Variants in TMPRSS3 observed in about 807,000 individuals in gnomAD.
TMPRSS3 encodes transmembrane serine protease 3, also known as transmembrane protease serine 3.
A neutral mutation model predicts 59.6 loss-of-function variants in TMPRSS3; 55 were observed. That is an observed-to-expected ratio of 0.92 (90% CI 0.74 to 1.16). The LOEUF is 1.16. Ranked by LOEUF, TMPRSS3 falls within the 50% of genes most tolerant of loss-of-function variation. TMPRSS3 has a pLI of 0.00. For synonymous variants in TMPRSS3, 257 were observed against 237.7 expected (o/e 1.08, Z -0.75); for missense variants, 596 against 579.4 (o/e 1.03, Z -0.29).
At chr21:42,372,840 T>C (rs561273072) in intron 12 of TMPRSS3, 61 bp from the exon 13 acceptor site, 4 of 1,596,302 alleles carry the variant, frequency 2.5e-6, no homozygotes, top group Admixed American at 3.3e-5. Flanking sequence ...TCCAACATGA[T>C]GACGGAGCGG....
rs774670393 is a variant in TMPRSS3, at chr21:42,380,156, CT to C, written c.1008del (p.Val337CysfsTer20). ...PNSEENFPDG[K>X]VCWTSGWGAT... ...GCCCCCCATCCTGACGTCCAGCACA[CT>C]TTTCCATCGGGGAAGTTCTCTTCAG... On this transcript the variant is annotated frameshift_variant, in exon 10 of 13. Coordinates refer to ENST00000644384, the MANE Select transcript of TMPRSS3 (RefSeq NM_001256317.3). LOFTEE classifies it high-confidence loss of function. 7 of 1,614,086 alleles carry C rather than the reference CT, an allele frequency of 4.3e-6. No homozygotes were observed. The highest frequency in any genetic ancestry group is 5.1e-6 in the Non-Finnish European group (6 of 1,180,036).
intron 5 of TMPRSS3, among the ~76,000 whole-genome samples, chr21:42,387,961 T>C (rs1199123173): frequency 6.6e-6 from 1 of 152,234 alleles, no homozygotes; most frequent in Non-Finnish European, 1.5e-5. Flanking sequence ...CTTCACTAAA[T>C]TTCTGACTTT....
In TMPRSS3 at chr21:42,373,523, C is replaced by T. The variant is rs562383262; in HGVS notation, c.1345-744G>A. ...CAGGGTTTCTCAGTGTGCCCTGAAGCCCCCATGCAACACATTCACCAGGGT... is the reference window on the plus strand; with the variant it reads ...CAGGGTTTCTCAGTGTGCCCTGAAGTCCCCATGCAACACATTCACCAGGGT... On this transcript the variant is annotated intron_variant, in intron 12 of 12. Transcript: ENST00000644384. Among the ~76,000 whole-genome samples the T allele has an allele frequency of 3.9e-5, 6 of 152,350 alleles. No individual in the cohort carries two copies. The South Asian group carries it at 1.2e-3, about 32-fold the overall frequency.
intron 9 of TMPRSS3, 80 bp downstream of exon 9, chr21:42,381,985 T>C: frequency 6.4e-7 from 1 of 1,553,026 alleles, no homozygotes; most frequent in Non-Finnish European, 8.9e-7. Context: ...GCAGCCATCA[T>C]AAGAATGCTT....
chr21:42,377,204 C>G (rs1018376867), intron 10 of TMPRSS3, among the ~76,000 whole-genome samples: 1 of 152,204 alleles, frequency 6.6e-6, no homozygotes, highest in Non-Finnish European at 1.5e-5. Flanking sequence ...CATTGAGGGA[C>G]AGGCCTTGAG....
At chr21:42,379,916 G>A (rs953483529) in intron 10 of TMPRSS3, among the ~76,000 whole-genome samples, 9 of 152,178 alleles carry the variant, frequency 5.9e-5, no homozygotes, top group Admixed American at 5.2e-4. Context: ...GCAGGGTCAT[G>A]TTGTCCCCAT....
Position 42,388,152 on chromosome 21 carries a change from G to A in TMPRSS3, c.446+251C>T, listed in dbSNP as rs568025827. Among the ~76,000 whole-genome samples the A allele has an allele frequency of 3.9e-5, 6 of 152,264 alleles. No individual in the cohort carries two copies. The highest frequency in any genetic ancestry group is 2.1e-4 in the South Asian group (1 of 4,820). ...CTTTTTATTGCATGTTCGTATCTCC[G>A]ATCCTGGCCTGGCCCTGGGAACCCC... is the stretch of plus-strand genomic sequence containing the variant. On this transcript the variant is annotated intron_variant, in intron 5 of 12. Transcript: ENST00000644384. This position sits in a 1 kb window ranked among gnomAD's most constrained non-coding sequence, Gnocchi z 5.1.
rs2052617743 is a variant in TMPRSS3, at chr21:42,385,444, G to A, written c.537C>T (p.Asp179=). The A allele has an allele frequency of 6.2e-7, 1 of 1,613,992 alleles. No homozygotes were observed. Among genetic ancestry groups the A allele is most frequent in the African/African-American group, 1.3e-5 (1 of 74,898 alleles). Residue 179 remains aspartate, a synonymous_variant, in exon 6 of 13, where the codon GAC becomes GAT. Transcript: ENST00000644384. ...CTGAGTGGTGTAATGCAGTCACCTTGTCATCTGGCAAGAGGTGATCGATGG... is the reference window on the plus strand; with the variant it reads ...CTGAGTGGTGTAATGCAGTCACCTTATCATCTGGCAAGAGGTGATCGATGG... ...FVSIDHLLPD[D]KVTALHHSVY...
At chr21:42,393,078 T>C (rs2052754076) in intron 2 of TMPRSS3, among the ~76,000 whole-genome samples, 1 of 152,166 alleles carries the variant, frequency 6.6e-6, no homozygotes, top group Non-Finnish European at 1.5e-5. Context: ...AACCCGCCTC[T>C]ACTAAAAATA....
intron 12 of TMPRSS3, among the ~76,000 whole-genome samples, chr21:42,373,805 G>A (rs1173981857): frequency 6.6e-6 from 1 of 152,190 alleles, no homozygotes; most frequent in Non-Finnish European, 1.5e-5. Flanking sequence ...TGCTGACATG[G>A]GAGGGGCTGA....
At chr21:42,377,581 A>AG (rs1475394273) in intron 10 of TMPRSS3, among the ~76,000 whole-genome samples, 1 of 152,214 alleles carries the variant, frequency 6.6e-6, no homozygotes, top group African/African-American at 2.4e-5. Context: ...CAACAGTCAC[A>AG]GGAGACTTAA....
intron 3 of TMPRSS3, 101 bp downstream of exon 3, chr21:42,389,826 G>A (rs1174379905): frequency 1.1e-5 from 10 of 911,570 alleles, no homozygotes; most frequent in Non-Finnish European, 1.6e-5. Flanking sequence ...AGTAATTAAG[G>A]CTGGGCAGCA....
intron 3 of TMPRSS3, 196 bp from the exon 4 acceptor site, chr21:42,389,241 C>T (rs1429071056): frequency 9.1e-7 from 1 of 1,096,260 alleles, no homozygotes; most frequent in Non-Finnish European, 1.3e-6. Context: ...TGCTGTGCCC[C>T]ACTTTATCTC....
intron 7 of TMPRSS3, 108 bp downstream of exon 7, chr21:42,383,862 G>T: frequency 8.2e-7 from 1 of 1,216,748 alleles, no homozygotes. Context: ...CTGGCACCCA[G>T]GAGGAAGGGA....
intron 3 of TMPRSS3, chr21:42,389,262 C>T (rs2052693735): frequency 1.1e-6 from 1 of 893,008 alleles, no homozygotes; most frequent in South Asian, 1.6e-5. Flanking sequence ...GCTATGTGGC[C>T]TGGCCCAGGA....
At chr21:42,394,858 GA>G (rs1451417734) in intron 2 of TMPRSS3, among the ~76,000 whole-genome samples, 2 of 152,158 alleles carry the variant, frequency 1.3e-5, no homozygotes, top group Non-Finnish European at 2.9e-5. Flanking sequence ...ACTTATTTAC[GA>G]AACCAACTTT....
At chr21:42,379,473 GT>G (rs2052483204) in intron 10 of TMPRSS3, among the ~76,000 whole-genome samples, 1 of 152,164 alleles carries the variant, frequency 6.6e-6, no homozygotes, top group South Asian at 2.1e-4. Flanking sequence ...AATTTCCATC[GT>G]TTTAAGCCAC....
At position 42,388,664 on chromosome 21, in the gene TMPRSS3, C is replaced by T; in HGVS notation, c.323-138G>A. 8.0e-7 allele frequency: 1 copy of T among 1,247,754 alleles called. No homozygotes were observed. The highest frequency in any genetic ancestry group is 1.2e-5 in the South Asian group (1 of 81,476). The allele number at this position is 1,247,754 out of a possible 1,614,324, so 77.3% of individuals were successfully genotyped here. ...TTCTTGTCCACGGCAGCCTCCCCAT[C>T]ACAGAGCAGTGACTCTGGATCCCTG... On this transcript the variant is annotated intron_variant, in intron 4 of 12. Coordinates refer to ENST00000644384, the MANE Select transcript of TMPRSS3 (RefSeq NM_001256317.3). This position sits in a 1 kb window ranked among gnomAD's most constrained non-coding sequence, Gnocchi z 5.1.
intron 10 of TMPRSS3, among the ~76,000 whole-genome samples, 167 bp downstream of exon 10, chr21:42,379,950 C>T (rs540709280): frequency 3.9e-5 from 6 of 152,170 alleles, no homozygotes; most frequent in South Asian, 2.1e-4. Context: ...TGACTCCTGA[C>T]CCACAGTTCC....
Sources: gnomAD v4.1 joint callset for allele counts (sites outside exome capture counted in the v4.1 genomes callset) on GRCh38, gnomAD v4.1.1 for gene constraint, Gnocchi (gnomAD v3.1) non-coding constraint, MANE v1.5 for transcripts, NCBI Gene and HGNC (gene_info 2026-07-23, HGNC 2026-07-21) for gene names.